ZNF609: variants seen among roughly 807,000 people sequenced by gnomAD.
ZNF609 encodes the protein zinc finger protein 609.
Under a neutral mutation model 109.5 loss-of-function variants are expected in ZNF609, and 11 were observed. The observed-to-expected ratio is 0.10, with a 90% CI of 0.06 to 0.17. The LOEUF is 0.17. Among genes scored for constraint, ZNF609 ranks in the 10% least tolerant of loss-of-function variants. The pLI is 1.00. For missense variants in ZNF609, 1,559 were observed against 1,772.4 expected (o/e 0.88, Z 2.16); for synonymous variants, 646 against 662.0 (o/e 0.98, Z 0.37).
At chr15:64,538,853 T>A (rs1357316260) in intron 2 of ZNF609, among the ~76,000 whole-genome samples, 1 of 152,122 alleles carries the variant, frequency 6.6e-6, no homozygotes, top group Admixed American at 6.6e-5. Flanking sequence ...CTGGTTTTAT[T>A]TTTTATAGAG....
rs755110807 is a variant in ZNF609 at position 64,674,541 on chromosome 15, C to T, written c.1687C>T (p.Arg563Cys). The T allele has an allele frequency of 1.5e-5, 25 of 1,613,962 alleles. No individual in the cohort carries two copies. The highest frequency in any genetic ancestry group is 3.3e-5 in the South Asian group (3 of 91,088). The change falls in exon 5 of 10, where the codon CGC (arginine) becomes TGC (cysteine). Residue 563 changes from arginine to cysteine, a missense_variant. Physicochemically the swap from Arg to Cys is radical, Grantham distance 180. Around this residue, in one of 4 missense-constraint regions of ZNF609, gnomAD observed 1,204 missense variants for 1,314.1 expected, o/e 0.92. Transcript: ENST00000326648. ...VSQKGSLSPA[R>C]SATPKVRLVE... ...ACAAAAAGGTTCCTTGTCCCCTGCC[C>T]GCTCAGCTACCCCCAAAGTTCGACT...
chr15:64,462,036 C>T (rs1176216298), intron 1 of ZNF609, among the ~76,000 whole-genome samples: 1 of 152,196 alleles, frequency 6.6e-6, no homozygotes, highest in Non-Finnish European at 1.5e-5. Context: ...TCCCTCTCAC[C>T]CGCCTATTGT....
At chr15:64,668,363 A>C (rs980438341) in intron 3 of ZNF609, among the ~76,000 whole-genome samples, 14 of 152,236 alleles carry the variant, frequency 9.2e-5, no homozygotes, top group African/African-American at 3.4e-4. Context: ...CAGACCAGCC[A>C]TGGGTCACAA....
intron 2 of ZNF609, among the ~76,000 whole-genome samples, chr15:64,600,989 G>A (rs1895488864): frequency 6.6e-6 from 1 of 152,104 alleles, no homozygotes; most frequent in Non-Finnish European, 1.5e-5. Context: ...AACTTATGCA[G>A]TTCAGCCATC....
At chr15:64,630,604 C>T (rs1054314715) in intron 3 of ZNF609, among the ~76,000 whole-genome samples, 2 of 151,836 alleles carry the variant, frequency 1.3e-5, no homozygotes, top group African/African-American at 4.8e-5. Context: ...CTGTCTCCCC[C>T]AGCTGGAGCG....
intron 1 of ZNF609, among the ~76,000 whole-genome samples, chr15:64,494,475 C>T (rs1453656760): frequency 2.6e-5 from 4 of 152,236 alleles, no homozygotes; most frequent in African/African-American, 9.6e-5. Context: ...TCTCTTTCTA[C>T]CCTCAGAGTC....
intron 1 of ZNF609, among the ~76,000 whole-genome samples, chr15:64,492,517 C>T (rs1378523942): frequency 6.6e-6 from 1 of 152,058 alleles, no homozygotes; most frequent in East Asian, 1.9e-4. Flanking sequence ...GTAGTTGGGT[C>T]ATATATTTTC....
chr15:64,499,926 G>A lies in ZNF609; in HGVS notation c.507G>A (p.Lys169=). 1.9e-6 allele frequency: 3 copies of A among 1,614,116 alleles called. No homozygotes were observed. The highest frequency in any genetic ancestry group is 2.5e-6 in the Non-Finnish European group (3 of 1,180,028). Residue 169 remains lysine, a synonymous_variant, in exon 2 of 10, where the codon AAG becomes AAA. Transcript: ENST00000326648. Reference sequence around the variant, plus strand: ...AGAACAGCTCATCTAAGAGCAAGAAGGAGAGAAGCGAAGGAGTGGGGACTT... The same window carrying A: ...AGAACAGCTCATCTAAGAGCAAGAAAGAGAGAAGCGAAGGAGTGGGGACTT... ...EKENSSSKSK[K]ERSEGVGTCS...
rs543741126 is a variant in ZNF609 at position 64,538,797 on chromosome 15, G to A, written c.747+38631G>A. ...CCGACCTCAAGTGATCCACTGCCTC[G>A]ACCTCCCAAAGTGCTGGGATTACAG... is the stretch of plus-strand genomic sequence containing the variant. On this transcript the variant is annotated intron_variant, in intron 2 of 9. Transcript: ENST00000326648. Among the ~76,000 whole-genome samples, 6 of 152,080 alleles carry A rather than the reference G, an allele frequency of 3.9e-5. No homozygotes were observed. In the East Asian group the frequency reaches 7.7e-4, roughly 20 times the overall value.
At chr15:64,666,762 G>A (rs1038798101) in intron 3 of ZNF609, among the ~76,000 whole-genome samples, 21 of 152,042 alleles carry the variant, frequency 1.4e-4, no homozygotes, top group African/African-American at 3.9e-4. Flanking sequence ...GTGATCACTC[G>A]CCTTGGCATC....
chr15:64,482,443 C>G (rs1365667360), intron 1 of ZNF609, among the ~76,000 whole-genome samples: 1 of 151,740 alleles, frequency 6.6e-6, no homozygotes, highest in Non-Finnish European at 1.5e-5. Flanking sequence ...TCAAATTTAT[C>G]TACCCAAGAA....
chr15:64,481,477 C>A (rs1442254938), intron 1 of ZNF609, among the ~76,000 whole-genome samples: 1 of 151,850 alleles, frequency 6.6e-6, no homozygotes. Context: ...TGTGACACCA[C>A]GCCTAGCTAA....
chr15:64,675,757 A>T lies in ZNF609; in HGVS notation c.2903A>T (p.Tyr968Phe), dbSNP rs538483885. Residue 968 changes from tyrosine (Y) to phenylalanine (F), a missense_variant, in exon 5 of 10, where the codon TAC (tyrosine) becomes TTC (phenylalanine). Physicochemically the swap from Tyr to Phe is conservative, Grantham distance 22. Coordinates refer to ENST00000326648, the MANE Select transcript of ZNF609 (RefSeq NM_015042.2). ...PSVIQQRPNMYMQSLYYNQYA... is the reference protein window; with the variant it reads ...PSVIQQRPNMFMQSLYYNQYA... ...GTCATCCAGCAGCGTCCCAATATGT[A>T]CATGCAGTCCCTGTACTACAACCAG... The T allele has an allele frequency of 1.2e-6, 2 of 1,614,100 alleles. No homozygotes were observed. The highest frequency in any genetic ancestry group is 1.7e-6 in the Non-Finnish European group (2 of 1,180,058).
chr15:64,550,345 G>GTTA (rs1056798044), intron 2 of ZNF609, among the ~76,000 whole-genome samples: 9 of 151,904 alleles, frequency 5.9e-5, no homozygotes, highest in Admixed American at 5.3e-4. Flanking sequence ...TGTTGTTGTT[G>GTTA]TTGTTAAATT....
intron 3 of ZNF609, among the ~76,000 whole-genome samples, chr15:64,668,024 A>G (rs957539979): frequency 1.3e-5 from 2 of 152,186 alleles, no homozygotes; most frequent in Non-Finnish European, 2.9e-5. Flanking sequence ...GAAGTGTGAT[A>G]TCCTAAATTT....
At position 64,499,969 on chromosome 15, in the gene ZNF609, G is replaced by A; in HGVS notation, c.550G>A (p.Gly184Arg). The A allele has an allele frequency of 1.2e-6, 2 of 1,614,078 alleles. No individual in the cohort carries two copies. The highest frequency in any genetic ancestry group is 1.7e-6 in the Non-Finnish European group (2 of 1,180,016). Residue 184 changes from glycine (G) to arginine (R), a missense_variant, in exon 2 of 10, where the codon GGG becomes AGG. Around this residue, in one of 4 missense-constraint regions of ZNF609, gnomAD observed 291 missense variants for 317.8 expected, o/e 0.92. Coordinates refer to ENST00000326648, the MANE Select transcript of ZNF609 (RefSeq NM_015042.2). ...GVGTCSEKDP[G>R]VLQPVPLGGR... ...GGGGACTTGTTCAGAAAAGGATCCT[G>A]GGGTCCTCCAGCCAGTTCCCTTGGG... is the stretch of plus-strand genomic sequence containing the variant.
intron 6 of ZNF609, among the ~76,000 whole-genome samples, chr15:64,679,071 TTTTG>T (rs1318263595): frequency 3.9e-5 from 6 of 152,174 alleles, no homozygotes; most frequent in African/African-American, 9.7e-5. Context: ...TTTAAATGTT[TTTTG>T]TTTGTTTGTT....
chr15:64,665,758 T>C (rs1896636983), intron 3 of ZNF609, among the ~76,000 whole-genome samples: 1 of 151,622 alleles, frequency 6.6e-6, no homozygotes, highest in African/African-American at 2.4e-5. Context: ...AATATAAAAT[T>C]AGCTGGGCGT....
intron 2 of ZNF609, among the ~76,000 whole-genome samples, chr15:64,597,731 A>G (rs1049146276): frequency 6.6e-6 from 1 of 152,150 alleles, no homozygotes; most frequent in Non-Finnish European, 1.5e-5. Context: ...AATACAGGCT[A>G]TCTTTAGGTT....
Sources: gnomAD v4.1 joint callset for allele counts (sites outside exome capture counted in the v4.1 genomes callset) on GRCh38, gnomAD v4.1.1 for gene constraint, gnomAD v4.1.1 regional missense constraint, MANE v1.5 for transcripts, NCBI Gene and HGNC (gene_info 2026-07-23, HGNC 2026-07-21) for gene names.